The following RBKS variants were observed in gnomAD, a reference collection of about 807,000 sequenced individuals.
RBKS encodes ribokinase.
In RBKS, 33 loss-of-function variants were observed where a neutral mutation model predicts 33.9. The observed-to-expected ratio is 0.97, with a 90% confidence interval of 0.74 to 1.30. The LOEUF (loss-of-function observed/expected upper bound fraction) is 1.30. Among genes scored for constraint, RBKS ranks in the 50% most tolerant of loss-of-function variants. The pLI is 0.00. For missense variants in RBKS, 361 were observed against 392.6 expected, an observed-to-expected ratio of 0.92 and a Z score of 0.68; for synonymous variants, 125 against 143.0, an observed-to-expected ratio of 0.87 and a Z score of 0.90.
intron 6 of RBKS, among the ~76,000 whole-genome samples, chr2:27,829,732 A>C (rs1220298257): frequency 6.6e-6 from 1 of 152,086 alleles, no homozygotes; most frequent in African/African-American, 2.4e-5. Flanking sequence ...CAGGTATTAT[A>C]TTGGCAATAG....
intron 3 of RBKS, 41 bp from the exon 4 acceptor site, chr2:27,847,145 T>C: frequency 8.7e-7 from 1 of 1,147,148 alleles, no homozygotes; most frequent in Non-Finnish European, 1.3e-6. Flanking sequence ...GTATACAGGC[T>C]GGCATGGATA....
At chr2:27,824,603 A>C (rs1015400243) in intron 7 of RBKS, among the ~76,000 whole-genome samples, 1 of 152,224 alleles carries the variant, frequency 6.6e-6, no homozygotes, top group Admixed American at 6.5e-5. Context: ...GATATACCAC[A>C]ATTTGTTTAT....
intron 7 of RBKS, among the ~76,000 whole-genome samples, chr2:27,804,242 C>T (rs1032078473): frequency 9.2e-5 from 14 of 152,098 alleles, no homozygotes; most frequent in African/African-American, 1.2e-4. Context: ...ACATATAATA[C>T]ACCCATTTAA....
In RBKS at chr2:27,848,203, T is replaced by TTTA. The variant is rs548211113; in HGVS notation, c.223-109_223-107dup. 7.1e-3 allele frequency: 4,244 copies of TTTA among 600,308 alleles called. 23 individuals carry two copies. The highest frequency in any genetic ancestry group is 8.2e-3 in the Middle Eastern group (19 of 2,306). The allele number at this position is 600,308 out of a possible 1,614,324, so 37.2% of individuals were successfully genotyped here. On this transcript the variant is annotated intron_variant, in intron 2 of 7. Transcript: ENST00000302188. ...TTAAAAGGGCATATCTGCACAGTAC[T>TTTA]TTATAAACATTAACTAATTAATCTT...
intron 5 of RBKS, among the ~76,000 whole-genome samples, chr2:27,840,433 G>C (rs914825615): frequency 2.0e-5 from 3 of 150,804 alleles, no homozygotes; most frequent in African/African-American, 7.3e-5. Context: ...CATCTGGCCG[G>C]TATCTACCAA....
intron 7 of RBKS, among the ~76,000 whole-genome samples, chr2:27,825,553 A>G (rs1678295880): frequency 6.6e-6 from 1 of 152,198 alleles, no homozygotes; most frequent in Non-Finnish European, 1.5e-5. Context: ...GTCAGCATCC[A>G]CTTCCCTATC....
At chr2:27,867,291 G>A (rs1664120939) in intron 1 of RBKS, among the ~76,000 whole-genome samples, 2 of 151,986 alleles carry the variant, frequency 1.3e-5, no homozygotes, top group Non-Finnish European at 2.9e-5. Flanking sequence ...TGAATGAACG[G>A]TCTACAGCTT....
At chr2:27,868,394 C>T (rs1664139746) in intron 1 of RBKS, among the ~76,000 whole-genome samples, 1 of 151,962 alleles carries the variant, frequency 6.6e-6, no homozygotes, top group African/African-American at 2.4e-5. Context: ...ATTGGCTTAT[C>T]AAAAAAACAC....
At chr2:27,802,885 A>C (rs1677827403) in intron 7 of RBKS, among the ~76,000 whole-genome samples, 1 of 152,220 alleles carries the variant, frequency 6.6e-6, no homozygotes, top group South Asian at 2.1e-4. Flanking sequence ...TCCCCTATGC[A>C]GACAGGACTG....
chr2:27,836,924 A>AGCAGTT (rs1678534381), intron 5 of RBKS, among the ~76,000 whole-genome samples: 47 of 151,004 alleles, frequency 3.1e-4, no homozygotes, highest in African/African-American at 1.1e-3. Flanking sequence ...CATCAGAGAA[A>AGCAGTT]TGCAAATCAA....
At chr2:27,840,306 C>G (rs995977558) in intron 5 of RBKS, among the ~76,000 whole-genome samples, 22 of 140,900 alleles carry the variant, frequency 1.6e-4, no homozygotes, top group Non-Finnish European at 3.0e-4. Context: ...ACTCTTCTTG[C>G]ATATGAGAAT....
In RBKS at chr2:27,890,359, T is replaced by G; in HGVS notation, c.-14A>C. 1 of 1,611,814 alleles carries G rather than the reference T, an allele frequency of 6.2e-7. No individual in the cohort carries two copies. Among genetic ancestry groups the G allele is most frequent in the Non-Finnish European group, 8.5e-7 (1 of 1,179,558 alleles). On this transcript the variant is annotated 5_prime_UTR_variant, in exon 1 of 8. Transcript: ENST00000302188. The surrounding 1 kb of genome is among the most constrained non-coding windows in gnomAD (Gnocchi z 4.8). ...AGACGCCGCCATCGCTCAAAGGTGCTGCTGTCCAACCTGGACGGTGACCTC... is the reference window on the plus strand; with the variant it reads ...AGACGCCGCCATCGCTCAAAGGTGCGGCTGTCCAACCTGGACGGTGACCTC...
At chr2:27,872,452 A>T (rs1268791660) in intron 1 of RBKS, among the ~76,000 whole-genome samples, 2 of 152,188 alleles carry the variant, frequency 1.3e-5, no homozygotes, top group African/African-American at 4.8e-5. Flanking sequence ...ACAGGAAAAG[A>T]TATACAAGGC....
At chr2:27,887,651 TTAC>T (rs1664564504) in intron 1 of RBKS, among the ~76,000 whole-genome samples, 1 of 152,122 alleles carries the variant, frequency 6.6e-6, no homozygotes, top group African/African-American at 2.4e-5. Context: ...AATACAGTTT[TTAC>T]TAATGATTTT....
At chr2:27,822,878 C>T (rs573158044) in intron 7 of RBKS, among the ~76,000 whole-genome samples, 2 of 152,344 alleles carry the variant, frequency 1.3e-5, no homozygotes, top group South Asian at 4.1e-4. Context: ...ATTTAGCCTA[C>T]GGACTAAATT....
intron 7 of RBKS, among the ~76,000 whole-genome samples, chr2:27,820,829 A>G (rs1678188574): frequency 6.6e-6 from 1 of 152,154 alleles, no homozygotes; most frequent in South Asian, 2.1e-4. Context: ...GGATCATCTG[A>G]GGTCAGTTCA....
At chr2:27,785,446 C>T (rs1375706517) in intron 7 of RBKS, among the ~76,000 whole-genome samples, 3 of 152,200 alleles carry the variant, frequency 2.0e-5, no homozygotes, top group South Asian at 2.1e-4. Context: ...AATAAACACA[C>T]GAAAAGATGG....
intron 4 of RBKS, among the ~76,000 whole-genome samples, chr2:27,844,413 T>C (rs1171189774): frequency 2.0e-5 from 3 of 152,034 alleles, no homozygotes; most frequent in African/African-American, 4.8e-5. Context: ...TAAGATAAAT[T>C]TTGGGGTCTC....
At chr2:27,848,715 C>T (rs1321305682) in intron 2 of RBKS, among the ~76,000 whole-genome samples, 4 of 151,914 alleles carry the variant, frequency 2.6e-5, no homozygotes, top group Non-Finnish European at 5.9e-5. Flanking sequence ...AAAGCATGTT[C>T]CTTGTAGTCC....
Sources: gnomAD v4.1 joint callset for allele counts (sites outside exome capture counted in the v4.1 genomes callset) on GRCh38, gnomAD v4.1.1 for gene constraint, Gnocchi (gnomAD v3.1) non-coding constraint, MANE v1.5 for transcripts, NCBI Gene and HGNC (gene_info 2026-07-23, HGNC 2026-07-21) for gene names.